PPP1R14C: variants seen among roughly 807,000 people sequenced by gnomAD.
PPP1R14C encodes the protein protein phosphatase 1 regulatory inhibitor subunit 14C.
A neutral mutation model predicts 20.4 loss-of-function variants in PPP1R14C; 16 were observed. The observed-to-expected ratio is 0.78, with a 90% CI of 0.53 to 1.19. The LOEUF is 1.19. PPP1R14C is among the 50% of genes most tolerant of loss of function. The pLI, the probability that PPP1R14C is intolerant of heterozygous loss-of-function variation, is 0.00. For missense variants in PPP1R14C, 211 were observed against 220.1 expected, an observed-to-expected ratio of 0.96 and a Z score of 0.26; for synonymous variants, 91 against 91.0, an observed-to-expected ratio of 1.00 and a Z score of 0.00.
chr6:150,235,726 CCTT>C (rs1201460633), intron 3 of PPP1R14C, among the ~76,000 whole-genome samples: 3 of 152,104 alleles, frequency 2.0e-5, no homozygotes, highest in Admixed American at 6.5e-5. Flanking sequence ...TGCTTTGCCT[CCTT>C]CTTAAATTCT....
In PPP1R14C at chr6:150,248,904, G is replaced by A. The variant is rs1778526140; in HGVS notation, c.*84G>A. The A allele has an allele frequency of 3.8e-6, 3 of 794,808 alleles. No individual in the cohort carries two copies. The highest frequency in any genetic ancestry group is 1.8e-5 in the African/African-American group (1 of 56,832). 49.2% of individuals were successfully genotyped at this position (794,808 alleles called of 1,614,324 possible). A position where few individuals can be genotyped will look rare whatever the true frequency, so the allele number is the denominator to read the frequency against. On this transcript the variant is annotated 3_prime_UTR_variant, in exon 4 of 4. Transcript: ENST00000361131. ...CATGAAGACTTTTGTGAAAGAATAG[G>A]TGTCCTTATGAACAACGTTTTTGTT...
intron 1 of PPP1R14C, among the ~76,000 whole-genome samples, chr6:150,204,826 G>A (rs1427015686): frequency 6.6e-6 from 1 of 152,132 alleles, no homozygotes; most frequent in African/African-American, 2.4e-5. Context: ...CTGAGAAGCA[G>A]GGCAGCCTGG....
At chr6:150,194,856 C>G (rs185683105) in intron 1 of PPP1R14C, 2 of 985,142 alleles carry the variant, frequency 2.0e-6, no homozygotes, top group Non-Finnish European at 2.4e-6. Flanking sequence ...TGAGTACTTA[C>G]ACATGTTGAA....
chr6:150,197,661 C>T (rs1201228203), intron 1 of PPP1R14C, among the ~76,000 whole-genome samples: 2 of 148,466 alleles, frequency 1.3e-5, no homozygotes, highest in Non-Finnish European at 3.0e-5. Context: ...GCCATGACAT[C>T]TGTGTCCCTG....
chr6:150,248,748 AT>A lies in PPP1R14C; in HGVS notation c.429del (p.Phe143LeufsTer9). On this transcript the variant is annotated frameshift_variant, in exon 4 of 4. Coordinates refer to ENST00000361131, the MANE Select transcript of PPP1R14C (RefSeq NM_030949.3). LOFTEE classifies it high-confidence loss of function. The part of the protein sequence containing the change: ...LVDCYKPTEE[F>X]IKELLSRIRG... ...TAACTTCTTCTGATCTCTTTTAGGA[AT>A]TTATCAAAGAGCTGCTTTCTCGGAT... 1 of 1,608,536 alleles carries A rather than the reference AT, an allele frequency of 6.2e-7. No homozygotes were observed. The highest frequency in any genetic ancestry group is 8.5e-7 in the Non-Finnish European group (1 of 1,175,120).
At chr6:150,154,827 T>G (rs1777288929) in intron 1 of PPP1R14C, among the ~76,000 whole-genome samples, 1 of 152,198 alleles carries the variant, frequency 6.6e-6, no homozygotes. Context: ...CTGAAACCTC[T>G]CCTTAACTAT....
intron 1 of PPP1R14C, among the ~76,000 whole-genome samples, chr6:150,182,839 G>A (rs1274153444): frequency 6.6e-6 from 1 of 152,102 alleles, no homozygotes; most frequent in Non-Finnish European, 1.5e-5. Context: ...AACTACACAC[G>A]CCTAGATGGT....
intron 3 of PPP1R14C, among the ~76,000 whole-genome samples, chr6:150,248,256 A>G (rs1778517859): frequency 6.6e-6 from 1 of 152,168 alleles, no homozygotes; most frequent in Admixed American, 6.5e-5. Context: ...AAACCATAGC[A>G]GTCCCCCTGG....
chr6:150,178,064 G>T (rs1015573738), intron 1 of PPP1R14C, among the ~76,000 whole-genome samples: 1 of 152,172 alleles, frequency 6.6e-6, no homozygotes, highest in African/African-American at 2.4e-5. Flanking sequence ...GGGCTTGTGC[G>T]TGTGTCTCCT....
intron 1 of PPP1R14C, among the ~76,000 whole-genome samples, chr6:150,206,281 C>T (rs754457269): frequency 7.2e-5 from 11 of 152,162 alleles, no homozygotes; most frequent in East Asian, 1.9e-4. Flanking sequence ...TGCCACTGTA[C>T]GTATTGTACT....
chr6:150,200,565 T>G (rs1171635699), intron 1 of PPP1R14C, among the ~76,000 whole-genome samples: 1 of 152,184 alleles, frequency 6.6e-6, no homozygotes, highest in Admixed American at 6.5e-5. Flanking sequence ...ATGCGTCTCA[T>G]GGCCCTGCCC....
intron 1 of PPP1R14C, among the ~76,000 whole-genome samples, chr6:150,190,003 C>T (rs374595962): frequency 4.6e-5 from 7 of 152,230 alleles, no homozygotes; most frequent in East Asian, 1.9e-4. Context: ...TTCTTAGGTG[C>T]GTAGCCTGCC....
chr6:150,145,744 C>T (rs1304685292), intron 1 of PPP1R14C, among the ~76,000 whole-genome samples: 1 of 152,214 alleles, frequency 6.6e-6, no homozygotes, highest in Non-Finnish European at 1.5e-5. Context: ...CCTTTTTATA[C>T]TTAAAAGTGG....
At chr6:150,147,262 C>T (rs905509498) in intron 1 of PPP1R14C, among the ~76,000 whole-genome samples, 1 of 150,786 alleles carries the variant, frequency 6.6e-6, no homozygotes, top group Admixed American at 6.6e-5. Context: ...TCACTGCAAC[C>T]TCCGCCTCCT....
rs1409930882 is a variant in PPP1R14C, at chr6:150,167,984, T to TC, written c.306+24490dup. 1.7e-3 allele frequency among the ~76,000 whole-genome samples: 84 copies of TC among 50,556 alleles called. 2 individuals are homozygous for TC. Among genetic ancestry groups the TC allele is most frequent in the South Asian group, 6.2e-3 (5 of 806 alleles). 33.2% of individuals were successfully genotyped at this position (50,556 alleles called of 152,430 possible). A position where few individuals can be genotyped will look rare whatever the true frequency, so the allele number is the denominator to read the frequency against. ...CTCCCCTCTTTCTCTCCTTCTCTCC[T>TC]CCCCTCTTCCTCTCCCCCTTGCTTT... On this transcript the variant is annotated intron_variant, in intron 1 of 3. Transcript: ENST00000361131.
intron 1 of PPP1R14C, among the ~76,000 whole-genome samples, chr6:150,153,862 A>G (rs987919157): frequency 2.6e-5 from 4 of 152,256 alleles, no homozygotes; most frequent in African/African-American, 9.6e-5. Context: ...GGGCTGGAAT[A>G]TTCATTCACT....
chr6:150,234,046 G>A (rs1463132054), intron 3 of PPP1R14C, among the ~76,000 whole-genome samples: 1 of 152,186 alleles, frequency 6.6e-6, no homozygotes, highest in Non-Finnish European at 1.5e-5. Flanking sequence ...GAATTCCCAC[G>A]CAGACAGTGG....
chr6:150,249,442 G>T lies in PPP1R14C; in HGVS notation c.*622G>T, dbSNP rs1008638483. ...CAAAGTGAAAGAATTCAGTGTATCCGTTATTTTAATGCACTACACCACAGA... is the reference window on the plus strand; with the variant it reads ...CAAAGTGAAAGAATTCAGTGTATCCTTTATTTTAATGCACTACACCACAGA... On this transcript the variant is annotated 3_prime_UTR_variant, in exon 4 of 4. Coordinates refer to ENST00000361131, the MANE Select transcript of PPP1R14C (RefSeq NM_030949.3). 5.0e-6 allele frequency: 2 copies of T among 398,472 alleles called. No homozygotes were observed. Among genetic ancestry groups the T allele is most frequent in the Non-Finnish European group, 4.4e-6 (1 of 226,070 alleles). The allele number at this position is 398,472 out of a possible 1,614,324, so 24.7% of individuals were successfully genotyped here.
At chr6:150,248,481 A>G (rs546975939) in intron 3 of PPP1R14C, among the ~76,000 whole-genome samples, 2 of 152,232 alleles carry the variant, frequency 1.3e-5, no homozygotes, top group Non-Finnish European at 2.9e-5. Context: ...CAAATGCCTC[A>G]GGGGCCAAGT....
Sources: gnomAD v4.1 joint callset for allele counts (sites outside exome capture counted in the v4.1 genomes callset) on GRCh38, gnomAD v4.1.1 for gene constraint, MANE v1.5 for transcripts, NCBI Gene and HGNC (gene_info 2026-07-23, HGNC 2026-07-21) for gene names.